Variants in CHST6 observed in about 807,000 individuals in gnomAD.
CHST6 encodes the protein carbohydrate sulfotransferase 6, also known as N-acetylglucosamine 6-O-sulfotransferase 5.
For missense variants in CHST6, 698 were observed against 586.2 expected, an observed-to-expected ratio of 1.19 and a Z score of -1.97; for synonymous variants, 309 against 276.4, an observed-to-expected ratio of 1.12 and a Z score of -1.17.
chr16:75,493,159 GA>G (rs2080273843), intron 1 of CHST6, among the ~76,000 whole-genome samples: 1 of 151,968 alleles, frequency 6.6e-6, no homozygotes, highest in Non-Finnish European at 1.5e-5. Context: ...AATCCCACTT[GA>G]CCATTTACTG....
In CHST6 at chr16:75,479,640, G is replaced by C. The variant is rs150479531; in HGVS notation, c.189C>G (p.His63Gln). The part of the protein sequence containing the change: ...SSFVGQLFNQ[H>Q]PDVFYLMEPA... ...GCTCCATTAGGTAGAAGACGTCGGG[G>C]TGCTGGTTGAAGAGTTGGCCCACGA... Residue 63 changes from histidine (H) to glutamine (Q), a missense_variant, in exon 3 of 3, where the codon CAC (histidine) becomes CAG (glutamine). His to Gln is a conservative substitution (Grantham distance 24). Coordinates refer to ENST00000332272, the MANE Select transcript of CHST6 (RefSeq NM_021615.5). 9 of 1,612,678 alleles carry C rather than the reference G, an allele frequency of 5.6e-6. No individual in the cohort carries two copies. Among genetic ancestry groups the C allele is most frequent in the Non-Finnish European group, 7.6e-6 (9 of 1,179,802 alleles).
intron 1 of CHST6, chr16:75,490,628 T>C (rs2080243968): frequency 6.6e-6 from 1 of 152,150 alleles, no homozygotes; most frequent in South Asian, 2.1e-4. Flanking sequence ...GTTGGTGAGA[T>C]GACAGAGACG....
At chr16:75,482,894 C>T (rs2080157830) in intron 1 of CHST6, among the ~76,000 whole-genome samples, 1 of 152,310 alleles carries the variant, frequency 6.6e-6, no homozygotes, top group East Asian at 1.9e-4. Context: ...CCCACAGCCA[C>T]TCTGGGAAAA....
chr16:75,487,442 C>T (rs139497687), intron 1 of CHST6, among the ~76,000 whole-genome samples: 1 of 151,394 alleles, frequency 6.6e-6, no homozygotes, highest in African/African-American at 2.4e-5. Context: ...AGGCAGGTGG[C>T]TCACCTGAGG....
At position 75,474,410 on chromosome 16, in the gene CHST6, G is replaced by A. The variant is rs2080045916; in HGVS notation, c.*4231C>T. ...CCAACTCAGCCTCCCAAGTAGCTAG[G>A]ACTACAGGTGCACGACACCATGCCC... On this transcript the variant is annotated 3_prime_UTR_variant, in exon 3 of 3. Coordinates refer to ENST00000332272, the MANE Select transcript of CHST6 (RefSeq NM_021615.5). 1 of 380,684 alleles carries A rather than the reference G, an allele frequency of 2.6e-6. No homozygotes were observed. Among genetic ancestry groups the A allele is most frequent in the African/African-American group, 2.1e-5 (1 of 48,136 alleles). 23.6% of individuals were successfully genotyped at this position (380,684 alleles called of 1,614,324 possible).
chr16:75,481,240 C>T (rs957905586), intron 2 of CHST6, among the ~76,000 whole-genome samples: 1 of 152,148 alleles, frequency 6.6e-6, no homozygotes, highest in Non-Finnish European at 1.5e-5. Flanking sequence ...CATGCCACTG[C>T]ACTCCAGCTT....
Position 75,474,418 on chromosome 16 carries a change from G to A in CHST6, c.*4223C>T, listed in dbSNP as rs2080046082. ...GCCTCCCAAGTAGCTAGGACTACAG[G>A]TGCACGACACCATGCCCTGCTAATT... On this transcript the variant is annotated 3_prime_UTR_variant, in exon 3 of 3. Transcript: ENST00000332272. 1 of 386,752 alleles carries A rather than the reference G, an allele frequency of 2.6e-6. No homozygotes were observed. Among genetic ancestry groups the A allele is most frequent in the Non-Finnish European group, 4.6e-6 (1 of 219,046 alleles). The allele number at this position is 386,752 out of a possible 1,614,324, so 24.0% of individuals were successfully genotyped here.
chr16:75,484,606 T>G (rs1349932392), intron 1 of CHST6, among the ~76,000 whole-genome samples: 1 of 152,090 alleles, frequency 6.6e-6, no homozygotes, highest in Non-Finnish European at 1.5e-5. Flanking sequence ...TCCCAGCACT[T>G]TGGGAGGCTG....
In CHST6 at chr16:75,479,211, G is replaced by A. The variant is rs375834358; in HGVS notation, c.618C>T (p.Ala206=). The A allele has an allele frequency of 1.2e-6, 2 of 1,609,612 alleles. No homozygotes were observed. The highest frequency in any genetic ancestry group is 2.2e-5 in the East Asian group (1 of 44,844). ...RIVHLVRDPR[A]VLRSREQTAK... ...CTGTCTGCTCCCGGGAGCGCAGCAC[G>A]GCCCGCGGGTCGCGCACCAGGTGCA... The change falls in exon 3 of 3, where the codon GCC becomes GCT. Residue 206 remains alanine, a synonymous_variant. Coordinates refer to ENST00000332272, the MANE Select transcript of CHST6 (RefSeq NM_021615.5).
chr16:75,482,859 G>A (rs1322617710), intron 1 of CHST6, among the ~76,000 whole-genome samples: 1 of 152,094 alleles, frequency 6.6e-6, no homozygotes, highest in African/African-American at 2.4e-5. Flanking sequence ...ATGCCCAGCA[G>A]CTCTGTCACC....
chr16:75,483,797 G>A (rs1203807243), intron 1 of CHST6, among the ~76,000 whole-genome samples: 3 of 152,126 alleles, frequency 2.0e-5, no homozygotes, highest in Non-Finnish European at 4.4e-5. Flanking sequence ...GCTGAGGCGG[G>A]TGAATTGCTT....
chr16:75,479,640 G>T lies in CHST6; in HGVS notation c.189C>A (p.His63Gln). The change falls in exon 3 of 3, where the codon CAC becomes CAA. Residue 63 changes from histidine to glutamine, a missense_variant. By Grantham distance (24) the His-to-Gln change is conservative (BLOSUM62 0). Transcript: ENST00000332272. Reference sequence around the variant, plus strand: ...GCTCCATTAGGTAGAAGACGTCGGGGTGCTGGTTGAAGAGTTGGCCCACGA... The same window carrying T: ...GCTCCATTAGGTAGAAGACGTCGGGTTGCTGGTTGAAGAGTTGGCCCACGA... Reference protein sequence around the residue: ...SSFVGQLFNQHPDVFYLMEPA... With the variant: ...SSFVGQLFNQQPDVFYLMEPA... 1.2e-6 allele frequency: 2 copies of T among 1,612,794 alleles called. No individual in the cohort carries two copies. The highest frequency in any genetic ancestry group is 1.1e-5 in the South Asian group (1 of 91,038).
At position 75,475,080 on chromosome 16, in the gene CHST6, G is replaced by A. The variant is rs2080052672; in HGVS notation, c.*3561C>T. On this transcript the variant is annotated 3_prime_UTR_variant, in exon 3 of 3. Transcript: ENST00000332272. ...CAAAATGCTGGGATTACAGACATGA[G>A]CTACCATGCCTGCGCCCAGAAATAA... 6.0e-6 allele frequency: 1 copy of A among 167,440 alleles called. No homozygotes were observed. The highest frequency in any genetic ancestry group is 2.4e-5 in the African/African-American group (1 of 42,186). 10.4% of individuals were successfully genotyped at this position (167,440 alleles called of 1,614,324 possible).
chr16:75,486,358 G>A (rs972036000), intron 1 of CHST6, among the ~76,000 whole-genome samples: 1 of 152,210 alleles, frequency 6.6e-6, no homozygotes, highest in East Asian at 1.9e-4. Context: ...CTCAGTACCC[G>A]TTTTTCCTTC....
intron 1 of CHST6, among the ~76,000 whole-genome samples, chr16:75,487,858 T>TG (rs995303755): frequency 6.9e-6 from 1 of 145,298 alleles, no homozygotes; most frequent in African/African-American, 2.6e-5. Context: ...TAGCCAGGTG[T>TG]GGTGGTGGGC....
Position 75,479,034 on chromosome 16 carries a change from G to C in CHST6, c.795C>G (p.Arg265=). ...AATLKPPPFL[R]GRYRLVRFED... ...CGAAGCGCACCAGGCGGTAGCGGCC[G>C]CGCAGAAAGGGTGGCGGCTTGAGTG... The change falls in exon 3 of 3, where the codon CGC becomes CGG. Residue 265 remains arginine (R), a synonymous_variant. Coordinates refer to ENST00000332272, the MANE Select transcript of CHST6 (RefSeq NM_021615.5). 1 of 1,609,564 alleles carries C rather than the reference G, an allele frequency of 6.2e-7. No homozygotes were observed. The highest frequency in any genetic ancestry group is 1.1e-5 in the South Asian group (1 of 91,058).
At chr16:75,489,216 T>G (rs954498279) in intron 1 of CHST6, among the ~76,000 whole-genome samples, 2 of 151,576 alleles carry the variant, frequency 1.3e-5, no homozygotes, top group Admixed American at 1.3e-4. Context: ...CTGGACAACA[T>G]GACGAAACCC....
chr16:75,482,813 T>C (rs1406201464), intron 1 of CHST6, among the ~76,000 whole-genome samples: 2 of 152,102 alleles, frequency 1.3e-5, no homozygotes, highest in African/African-American at 2.4e-5. Context: ...TCTCTGCCCA[T>C]TTCCCTCATC....
rs1192795884 is a variant in CHST6, at chr16:75,475,828, G to T, written c.*2813C>A. On this transcript the variant is annotated 3_prime_UTR_variant, in exon 3 of 3. Coordinates refer to ENST00000332272, the MANE Select transcript of CHST6 (RefSeq NM_021615.5). Reference sequence around the variant, plus strand: ...CAATAAAATTTGTGACCTAAACAGGGGCAAATGAAGCTTGTTGGGCATGCT... The same window carrying T: ...CAATAAAATTTGTGACCTAAACAGGTGCAAATGAAGCTTGTTGGGCATGCT... The T allele has an allele frequency of 6.6e-6, 1 of 152,166 alleles. No homozygotes were observed. The highest frequency in any genetic ancestry group is 1.9e-4 in the East Asian group (1 of 5,176). 9.4% of individuals were successfully genotyped at this position (152,166 alleles called of 1,614,324 possible).
Sources: allele counts gnomAD v4.1 joint callset (sites outside exome capture counted in the v4.1 genomes callset), GRCh38; gene constraint gnomAD v4.1.1; transcripts MANE v1.5; gene names NCBI Gene and HGNC (gene_info 2026-07-23, HGNC 2026-07-21).